The following PKD2 variants were observed in gnomAD, a reference collection of about 807,000 sequenced individuals.
PKD2 encodes polycystin 2, transient receptor potential cation channel.
A neutral mutation model predicts 105.9 loss-of-function variants in PKD2; 48 were observed. That is an observed-to-expected ratio of 0.45 (90% CI 0.36 to 0.58). The LOEUF (loss-of-function observed/expected upper bound fraction) is 0.58. Among genes scored for constraint, PKD2 ranks in the 20% least tolerant of loss-of-function variants. The probability of loss-of-function intolerance (pLI) is 0.00; values close to 1 mark genes in which losing one functional copy is unlikely to be tolerated. For missense variants in PKD2, 1,078 were observed against 1,255.3 expected (o/e 0.86, Z 2.13); for synonymous variants, 464 against 481.1 (o/e 0.96, Z 0.46).
chr4:88,008,657 A>T (rs904233087), intron 1 of PKD2, among the ~76,000 whole-genome samples: 4 of 151,764 alleles, frequency 2.6e-5, no homozygotes, highest in Non-Finnish European at 4.4e-5. Flanking sequence ...CTTGTAGAGG[A>T]AAAAATGAAC....
At chr4:88,023,663 T>C (rs1032431708) in intron 2 of PKD2, among the ~76,000 whole-genome samples, 1 of 152,234 alleles carries the variant, frequency 6.6e-6, no homozygotes, top group Admixed American at 6.5e-5. Context: ...TCTAAGCCTT[T>C]GTTTCCTCAC....
Position 88,058,116 on chromosome 4 carries a change from TTA to T in PKD2, c.2019+15_2019+16del, listed in dbSNP as rs1720432226. Reference sequence around the variant, plus strand: ...CTTCATTCTTTTGGTATGTACATTTTTATTTATAGTGAGGTTCAATTTAAACT... The same window carrying T: ...CTTCATTCTTTTGGTATGTACATTTTTTTATAGTGAGGTTCAATTTAAACT... On this transcript the variant is annotated intron_variant, in intron 9 of 14. Transcript: ENST00000237596. 4 of 1,445,652 alleles carry T rather than the reference TTA, an allele frequency of 2.8e-6. No homozygotes were observed. The highest frequency in any genetic ancestry group is 3.9e-6 in the Non-Finnish European group (4 of 1,027,312). The allele number at this position is 1,445,652 out of a possible 1,614,324, so 89.6% of individuals were successfully genotyped here. A position where few individuals can be genotyped will look rare whatever the true frequency, so the allele number is the denominator to read the frequency against.
intron 3 of PKD2, 53 bp downstream of exon 3, chr4:88,036,406 T>C (rs1016432403): frequency 6.2e-7 from 1 of 1,610,030 alleles, no homozygotes; most frequent in Admixed American, 1.7e-5. Flanking sequence ...ATTGTTCATT[T>C]GGCTTCATCA....
intron 13 of PKD2, among the ~76,000 whole-genome samples, chr4:88,073,387 A>G (rs1721111031): frequency 6.6e-6 from 1 of 151,628 alleles, no homozygotes. Context: ...TTATCTGGGC[A>G]TGGTGGTGCA....
intron 13 of PKD2, among the ~76,000 whole-genome samples, chr4:88,068,929 G>A (rs1720895071): frequency 6.6e-6 from 1 of 152,034 alleles, no homozygotes; most frequent in African/African-American, 2.4e-5. Context: ...CTGTTGTTGG[G>A]TGCATACATA....
At chr4:88,013,728 G>A (rs1444003191) in intron 1 of PKD2, among the ~76,000 whole-genome samples, 1 of 151,674 alleles carries the variant, frequency 6.6e-6, no homozygotes, top group Non-Finnish European at 1.5e-5. Flanking sequence ...AAAAAAGAGA[G>A]GATCAGATTT....
chr4:88,016,150 C>T (rs573807405), intron 1 of PKD2, among the ~76,000 whole-genome samples: 5 of 152,278 alleles, frequency 3.3e-5, no homozygotes, highest in South Asian at 2.1e-4. Context: ...CACTTGCCTG[C>T]GGCTCACCTC....
In PKD2 at chr4:88,065,781, G is replaced by A. The variant is rs1720769303; in HGVS notation, c.2260G>A (p.Glu754Lys). The A allele has an allele frequency of 6.2e-7, 1 of 1,611,786 alleles. No individual in the cohort carries two copies. The highest frequency in any genetic ancestry group is 1.7e-5 in the Admixed American group (1 of 59,984). The part of the protein sequence containing the change: ...DLKGKGHTDA[E>K]IEAIFTKYDQ... ...TTTCAGGAAGGGCCATACTGATGCAGAGATTGAGGCAATATTCACAAAGTA... is the reference window on the plus strand; with the variant it reads ...TTTCAGGAAGGGCCATACTGATGCAAAGATTGAGGCAATATTCACAAAGTA... The change falls in exon 12 of 15, where the codon GAG (glutamate) becomes AAG (lysine). Residue 754 changes from glutamate (E) to lysine (K), a missense_variant. Physicochemically the swap from Glu to Lys is moderately conservative, Grantham distance 56 (BLOSUM62 1). Transcript: ENST00000237596.
intron 7 of PKD2, among the ~76,000 whole-genome samples, chr4:88,053,521 G>T (rs1720192959): frequency 6.6e-6 from 1 of 151,988 alleles, no homozygotes; most frequent in Non-Finnish European, 1.5e-5. Flanking sequence ...GCTGGGGGTG[G>T]TGGCACGTGC....
intron 10 of PKD2, among the ~76,000 whole-genome samples, chr4:88,063,170 A>G (rs1032645819): frequency 6.6e-6 from 1 of 152,156 alleles, no homozygotes; most frequent in African/African-American, 2.4e-5. Context: ...TCTGCTATCC[A>G]ATTCACAAAC....
chr4:88,066,245 C>T (rs768500423), intron 12 of PKD2, among the ~76,000 whole-genome samples: 31 of 152,028 alleles, frequency 2.0e-4, no homozygotes, highest in Non-Finnish European at 4.1e-4. Context: ...AAAGAGAAGC[C>T]TGATTAGCTG....
rs1422462139 is a variant in PKD2, at chr4:88,019,517, A to G, written c.655A>G (p.Ser219Gly). The change falls in exon 2 of 15, where the codon AGT (serine) becomes GGT (glycine). Residue 219 changes from serine (S) to glycine (G), a missense_variant. Ser to Gly is a moderately conservative substitution (Grantham distance 56). Coordinates refer to ENST00000237596, the MANE Select transcript of PKD2 (RefSeq NM_000297.4). ...SSTNREKYLK[S>G]VLRELVTYLL... ...CACTAACCGAGAGAAATACCTTAAAAGTGTTTTACGGGAACTGGTCACATA... is the reference window on the plus strand; with the variant it reads ...CACTAACCGAGAGAAATACCTTAAAGGTGTTTTACGGGAACTGGTCACATA... 3.1e-6 allele frequency: 5 copies of G among 1,609,126 alleles called. No individual in the cohort carries two copies. Among genetic ancestry groups the G allele is most frequent in the Non-Finnish European group, 4.3e-6 (5 of 1,175,644 alleles).
At chr4:88,049,969 ATTTTTTT>A (rs397881137) in intron 6 of PKD2, among the ~76,000 whole-genome samples, 2 of 118,540 alleles carry the variant, frequency 1.7e-5, no homozygotes, top group Admixed American at 8.5e-5. Flanking sequence ...TACAGGGTAA[ATTTTTTT>A]TTTTTTTTTT....
At chr4:88,031,002 T>C (rs1336214655) in intron 2 of PKD2, among the ~76,000 whole-genome samples, 1 of 152,216 alleles carries the variant, frequency 6.6e-6, no homozygotes, top group Non-Finnish European at 1.5e-5. Context: ...CGATTTATGA[T>C]TTTTCAACTT....
At chr4:88,019,655 T>G (rs1427442323) in intron 2 of PKD2, 84 bp downstream of exon 2, 1 of 790,184 alleles carries the variant, frequency 1.3e-6, no homozygotes, top group Non-Finnish European at 2.3e-6. Flanking sequence ...GAAGTGTGTA[T>G]GCACCAGAGG....
chr4:88,029,505 C>T (rs148770230), intron 2 of PKD2, among the ~76,000 whole-genome samples: 1 of 152,204 alleles, frequency 6.6e-6, no homozygotes, highest in East Asian at 1.9e-4. Context: ...TCTAGTTCAC[C>T]TGAACACTTG....
intron 13 of PKD2, among the ~76,000 whole-genome samples, chr4:88,069,370 C>G (rs1416485665): frequency 6.6e-6 from 1 of 151,782 alleles, no homozygotes; most frequent in Non-Finnish European, 1.5e-5. Context: ...TCCTCTTTCA[C>G]TGCTTTCTTG....
intron 1 of PKD2, among the ~76,000 whole-genome samples, chr4:88,013,556 G>C (rs1205445263): frequency 6.6e-6 from 1 of 152,118 alleles, no homozygotes; most frequent in Non-Finnish European, 1.5e-5. Context: ...ACAAAAATTA[G>C]CCAGGCAGGG....
chr4:88,022,994 T>C (rs1055726043), intron 2 of PKD2, among the ~76,000 whole-genome samples: 2 of 151,896 alleles, frequency 1.3e-5, no homozygotes, highest in African/African-American at 4.8e-5. Context: ...GGTGGGAAAA[T>C]TGTTTGAAGC....
Sources: gnomAD v4.1 joint callset for allele counts (sites outside exome capture counted in the v4.1 genomes callset) on GRCh38, gnomAD v4.1.1 for gene constraint, MANE v1.5 for transcripts, NCBI Gene and HGNC (gene_info 2026-07-23, HGNC 2026-07-21) for gene names.